The following RBFOX1 variants were observed in gnomAD, a reference collection of about 807,000 sequenced individuals.
RBFOX1 encodes the protein RNA binding fox-1 homolog 1.
In RBFOX1, 8 loss-of-function variants were observed where a neutral mutation model predicts 57.7. The observed-to-expected ratio is 0.14, with a 90% CI of 0.08 to 0.25. The LOEUF (loss-of-function observed/expected upper bound fraction) is 0.25. RBFOX1 is among the 10% of genes least tolerant of loss of function. The probability of loss-of-function intolerance (pLI) is 1.00; values close to 1 mark genes in which losing one functional copy is unlikely to be tolerated. For synonymous variants in RBFOX1, 326 were observed against 222.4 expected (o/e 1.47, Z -4.15); for missense variants, 611 against 548.5 (o/e 1.11, Z -1.14).
At chr16:7,565,965 C>T (rs958484214) in intron 5 of RBFOX1, among the ~76,000 whole-genome samples, 5 of 152,002 alleles carry the variant, frequency 3.3e-5, no homozygotes, top group African/African-American at 1.2e-4. Context: ...CAGCTGGGCC[C>T]AAATCATTAG....
chr16:6,818,291 G>A (rs1261145192), intron 3 of RBFOX1, among the ~76,000 whole-genome samples: 1 of 152,098 alleles, frequency 6.6e-6, no homozygotes, highest in African/African-American at 2.4e-5. Context: ...ACCTGTGTGT[G>A]CGTCTTTCAT....
intron 2 of RBFOX1, among the ~76,000 whole-genome samples, chr16:6,375,921 G>A (rs916139948): frequency 2.0e-5 from 3 of 152,062 alleles, no homozygotes; most frequent in African/African-American, 7.2e-5. Flanking sequence ...TGTGCTTTGA[G>A]GGATCAGCAG....
intron 4 of RBFOX1, among the ~76,000 whole-genome samples, chr16:7,489,644 T>A (rs773273567): frequency 2.6e-5 from 4 of 151,900 alleles, no homozygotes; most frequent in Non-Finnish European, 5.9e-5. Flanking sequence ...GTCTCCCGAG[T>A]AGCTGGGATT....
At position 7,130,317 on chromosome 16, in the gene RBFOX1, G is replaced by A. The variant is rs144387603; in HGVS notation, c.27+78219G>A. Among the ~76,000 whole-genome samples, 371 of 152,270 alleles carry A rather than the reference G, an allele frequency of 2.4e-3. 3 individuals carry two copies. Among genetic ancestry groups the A allele is most frequent in the Non-Finnish European group, 6.2e-4 (42 of 68,020 alleles). On this transcript the variant is annotated intron_variant, in intron 4 of 15. Coordinates refer to ENST00000550418, the MANE Select transcript of RBFOX1 (RefSeq NM_018723.4). ...CCCAAAGTGCTGAGATTGTAGGCAT[G>A]AAGCCACCACGCCAGGCCTGAAGAC...
intron 2 of RBFOX1, among the ~76,000 whole-genome samples, chr16:5,494,515 G>A (rs898626532): frequency 6.6e-6 from 1 of 152,220 alleles, no homozygotes; most frequent in Non-Finnish European, 1.5e-5. Context: ...AAAAGCTGAA[G>A]GCAGATGCTG....
At chr16:6,085,518 G>A (rs948226866) in intron 1 of RBFOX1, among the ~76,000 whole-genome samples, 2 of 152,310 alleles carry the variant, frequency 1.3e-5, no homozygotes, top group South Asian at 2.1e-4. Context: ...TGATCTGCCC[G>A]CCTCGGCCTC....
At chr16:7,217,616 C>T (rs1184755359) in intron 4 of RBFOX1, among the ~76,000 whole-genome samples, 1 of 151,690 alleles carries the variant, frequency 6.6e-6, no homozygotes, top group Non-Finnish European at 1.5e-5. Context: ...AGAATATAAT[C>T]AATTACTTGG....
intron 12 of RBFOX1, among the ~76,000 whole-genome samples, chr16:7,661,856 T>G (rs2067838507): frequency 6.6e-6 from 1 of 152,180 alleles, no homozygotes; most frequent in African/African-American, 2.4e-5. Context: ...CAAGTAACTT[T>G]CCATAGCCCA....
At chr16:6,528,999 C>A (rs1415528225) in intron 2 of RBFOX1, among the ~76,000 whole-genome samples, 1 of 152,144 alleles carries the variant, frequency 6.6e-6, no homozygotes, top group Non-Finnish European at 1.5e-5. Context: ...AATTAATCCT[C>A]CTTGGCAGGT....
intron 2 of RBFOX1, among the ~76,000 whole-genome samples, chr16:6,539,738 C>A (rs886069941): frequency 1.3e-5 from 2 of 151,470 alleles, no homozygotes; most frequent in African/African-American, 4.8e-5. Flanking sequence ...ATGGAGGTTG[C>A]AGTGAGCTGA....
intron 11 of RBFOX1, among the ~76,000 whole-genome samples, chr16:7,636,191 C>G (rs1185302680): frequency 6.6e-6 from 1 of 152,246 alleles, no homozygotes; most frequent in Non-Finnish European, 1.5e-5. Context: ...TACATCCATT[C>G]TACACTTAAC....
rs144897283 is a variant in RBFOX1, at chr16:7,219,625, C to T, written c.27+167527C>T. Among the ~76,000 whole-genome samples the T allele has an allele frequency of 1.5e-3, 231 of 152,290 alleles. 2 individuals carry two copies. Among genetic ancestry groups the T allele is most frequent in the Non-Finnish European group, 2.8e-3 (191 of 68,024 alleles). ...GAACAAGCGTGGCGGATTTTTCACACTTGATGGGATTGTTTTTGTCAAACT... is the reference window on the plus strand; with the variant it reads ...GAACAAGCGTGGCGGATTTTTCACATTTGATGGGATTGTTTTTGTCAAACT... On this transcript the variant is annotated intron_variant, in intron 4 of 15. Transcript: ENST00000550418.
chr16:6,924,820 A>C (rs561837649), intron 3 of RBFOX1, among the ~76,000 whole-genome samples: 1 of 124,936 alleles, frequency 8.0e-6, no homozygotes, highest in Non-Finnish European at 1.7e-5. Context: ...TCCTAATGCT[A>C]TCCCTCCCCC....
At position 6,778,004 on chromosome 16, in the gene RBFOX1, A is replaced by G. The variant is rs866942464; in HGVS notation, c.-16+123354A>G. Among the ~76,000 whole-genome samples the G allele has an allele frequency of 3.3e-5, 5 of 152,272 alleles. No individual in the cohort carries two copies. In the East Asian group the frequency reaches 5.8e-4, roughly 18 times the overall value. ...AGCAGTTTAAAACTCATATAAATAT[A>G]CATTTATGCTCCATGTGTGAACTCA... is the stretch of plus-strand genomic sequence containing the variant. On this transcript the variant is annotated intron_variant, in intron 3 of 15. Transcript: ENST00000550418.
intron 4 of RBFOX1, among the ~76,000 whole-genome samples, chr16:7,151,541 C>G (rs868577751): frequency 3.3e-5 from 5 of 152,138 alleles, no homozygotes; most frequent in East Asian, 1.9e-4. Context: ...ACTCCCCAAC[C>G]TTTTTGGCAT....
At chr16:7,391,646 T>A (rs1351546621) in intron 4 of RBFOX1, among the ~76,000 whole-genome samples, 4 of 152,228 alleles carry the variant, frequency 2.6e-5, no homozygotes, top group Admixed American at 2.6e-4. Flanking sequence ...TACAACTTTT[T>A]ATGTAATGAT....
At chr16:7,454,145 A>G (rs2057992334) in intron 4 of RBFOX1, among the ~76,000 whole-genome samples, 1 of 152,224 alleles carries the variant, frequency 6.6e-6, no homozygotes, top group Non-Finnish European at 1.5e-5. Context: ...AGGCAGGAGA[A>G]TCGCTTGAAC....
chr16:6,304,220 G>A (rs77651061), intron 1 of RBFOX1, among the ~76,000 whole-genome samples: 23,465 of 151,694 alleles, frequency 0.15, 1,988 homozygotes, highest in Middle Eastern at 0.21. Flanking sequence ...CCCAAGAGGC[G>A]GAGATTGCAG....
At chr16:6,483,250 C>A in intron 2 of RBFOX1, 4 of 1,274,634 alleles carry the variant, frequency 3.1e-6, no homozygotes, top group Non-Finnish European at 3.0e-6. Flanking sequence ...CGTGGCCTCC[C>A]TTTGTGCGCG....
Sources: allele counts gnomAD v4.1 joint callset (sites outside exome capture counted in the v4.1 genomes callset), GRCh38; gene constraint gnomAD v4.1.1; transcripts MANE v1.5; gene names NCBI Gene and HGNC (gene_info 2026-07-23, HGNC 2026-07-21).